CABIN1: variants seen among roughly 807,000 people sequenced by gnomAD.
The protein encoded by CABIN1 is calcineurin-binding protein cabin-1.
CABIN1 carries 133 observed loss-of-function variants against 227.7 expected under a neutral mutation model. That is an observed-to-expected ratio of 0.58 (90% CI 0.51 to 0.67). The LOEUF is 0.67. Ranked by LOEUF, CABIN1 falls within the 30% of genes least tolerant of loss-of-function variation. The probability of loss-of-function intolerance (pLI) is 0.00; values close to 1 mark genes in which losing one functional copy is unlikely to be tolerated. For missense variants in CABIN1, 2,408 were observed against 2,852.5 expected, an observed-to-expected ratio of 0.84 and a Z score of 3.55; for synonymous variants, 1,086 against 1,155.1, an observed-to-expected ratio of 0.94 and a Z score of 1.21.
chr22:24,171,364 C>T (rs2046801368), intron 33 of CABIN1, among the ~76,000 whole-genome samples: 1 of 152,210 alleles, frequency 6.6e-6, no homozygotes. Flanking sequence ...TGCACCCATG[C>T]CTAGGGTCCT....
chr22:24,064,771 G>A (rs914562055), intron 15 of CABIN1, among the ~76,000 whole-genome samples: 11 of 152,150 alleles, frequency 7.2e-5, no homozygotes, highest in Non-Finnish European at 1.0e-4. Context: ...ATCTTTCACC[G>A]CCCTTAATCC....
intron 24 of CABIN1, among the ~76,000 whole-genome samples, chr22:24,095,180 A>G (rs777838059): frequency 2.0e-5 from 3 of 152,222 alleles, no homozygotes; most frequent in African/African-American, 7.2e-5. Context: ...CCACTTAGCC[A>G]GGGCCTGCAA....
intron 35 of CABIN1, among the ~76,000 whole-genome samples, chr22:24,176,981 G>C (rs761782724): frequency 6.6e-6 from 1 of 152,246 alleles, no homozygotes; most frequent in Non-Finnish European, 1.5e-5. Flanking sequence ...CAGCTCCCTA[G>C]AGGCTGCCAG....
intron 28 of CABIN1, among the ~76,000 whole-genome samples, chr22:24,131,899 C>T (rs2044096297): frequency 1.3e-5 from 2 of 152,144 alleles, no homozygotes; most frequent in African/African-American, 2.4e-5. Context: ...AACCCCATCT[C>T]TACTAAAAAT....
At chr22:24,027,284 G>A (rs1338569232) in intron 1 of CABIN1, among the ~76,000 whole-genome samples, 9 of 152,086 alleles carry the variant, frequency 5.9e-5, no homozygotes, top group African/African-American at 2.2e-4. Context: ...GATTACTTGA[G>A]ATTTTCTATG....
At chr22:24,036,606 C>T (rs1449925276) in intron 3 of CABIN1, among the ~76,000 whole-genome samples, 1 of 152,160 alleles carries the variant, frequency 6.6e-6, no homozygotes, top group African/African-American at 2.4e-5. Flanking sequence ...CCAGGTCCAA[C>T]CTCAACTCCC....
At chr22:24,084,118 A>C (rs2040986194) in intron 20 of CABIN1, among the ~76,000 whole-genome samples, 1 of 152,006 alleles carries the variant, frequency 6.6e-6, no homozygotes, top group Non-Finnish European at 1.5e-5. Context: ...GATGGAACCC[A>C]CCCTCTGGCT....
In CABIN1 at chr22:24,056,211, T is replaced by C. The variant is rs2038784221; in HGVS notation, c.1113T>C (p.Asp371=). Residue 371 remains aspartate, a synonymous_variant, in exon 10 of 37, where the codon GAT becomes GAC. Coordinates refer to ENST00000263119, the MANE Select transcript of CABIN1 (RefSeq NM_012295.4). ...GTGAAGGTGATATTTCTGGGGGAGA[T>C]AAATCCAAGAAAGGGGTAAAACGGA... The part of the protein sequence containing the change: ...GAPVGDISGG[D]KSKKGVKRKK... 2 of 1,613,996 alleles carry C rather than the reference T, an allele frequency of 1.2e-6. No individual in the cohort carries two copies. Among genetic ancestry groups the C allele is most frequent in the Non-Finnish European group, 1.7e-6 (2 of 1,179,978 alleles).
At chr22:24,034,545 T>G (rs2036726915) in intron 1 of CABIN1, among the ~76,000 whole-genome samples, 1 of 152,352 alleles carries the variant, frequency 6.6e-6, no homozygotes, top group East Asian at 1.9e-4. Flanking sequence ...TTTTAGCTTT[T>G]AGAAATAATG....
At chr22:24,126,730 G>A (rs2043747708) in intron 28 of CABIN1, among the ~76,000 whole-genome samples, 1 of 152,170 alleles carries the variant, frequency 6.6e-6, no homozygotes, top group East Asian at 1.9e-4. Context: ...TGGGCATGGT[G>A]GCTCCCGCCT....
At chr22:24,029,534 G>A (rs930893429) in intron 1 of CABIN1, among the ~76,000 whole-genome samples, 2 of 152,036 alleles carry the variant, frequency 1.3e-5, no homozygotes, top group African/African-American at 2.4e-5. Context: ...TCCAGCCTGG[G>A]CAACAGAGTG....
At chr22:24,134,553 C>T (rs1440629602) in intron 29 of CABIN1, 138 bp downstream of exon 29, 6 of 713,842 alleles carry the variant, frequency 8.4e-6, no homozygotes, top group Admixed American at 6.1e-5. Context: ...CAGGGTGGTA[C>T]AGTCGAGAGT....
chr22:24,060,203 T>TGC, intron 12 of CABIN1, 62 bp downstream of exon 12: 1 of 1,467,122 alleles, frequency 6.8e-7, no homozygotes, highest in East Asian at 2.3e-5. Flanking sequence ...GACAGGGATC[T>TGC]TGCATGGGTG....
intron 28 of CABIN1, among the ~76,000 whole-genome samples, chr22:24,123,590 G>A (rs1306530190): frequency 6.6e-6 from 1 of 152,228 alleles, no homozygotes; most frequent in Non-Finnish European, 1.5e-5. Flanking sequence ...AGACCTTCCT[G>A]CTGCTCTGGG....
At chr22:24,158,009 C>T (rs2045936917) in intron 29 of CABIN1, among the ~76,000 whole-genome samples, 1 of 152,192 alleles carries the variant, frequency 6.6e-6, no homozygotes, top group African/African-American at 2.4e-5. Context: ...AATGGGATGC[C>T]AACAGGCTCC....
chr22:24,133,429 CA>C (rs1471248822), intron 28 of CABIN1, among the ~76,000 whole-genome samples: 1 of 152,180 alleles, frequency 6.6e-6, no homozygotes, highest in Non-Finnish European at 1.5e-5. Flanking sequence ...GCTTTCGGAG[CA>C]GCTGGAGTGC....
chr22:24,109,895 C>T (rs373413852), intron 26 of CABIN1, among the ~76,000 whole-genome samples: 6 of 152,280 alleles, frequency 3.9e-5, no homozygotes, highest in South Asian at 4.1e-4. Flanking sequence ...CTCAGCCGGG[C>T]GTGGTGGCTC....
intron 26 of CABIN1, among the ~76,000 whole-genome samples, chr22:24,108,567 G>T (rs1043732414): frequency 1.3e-5 from 2 of 152,190 alleles, no homozygotes; most frequent in Non-Finnish European, 2.9e-5. Context: ...ATTTCTCATT[G>T]TTCTGTCAGC....
intron 1 of CABIN1, among the ~76,000 whole-genome samples, chr22:24,013,094 A>G (rs190683446): frequency 1.3e-5 from 2 of 150,170 alleles, no homozygotes; most frequent in African/African-American, 2.5e-5. Flanking sequence ...AGCTCCTTTT[A>G]GTGAGTTTCT....
Sources: allele counts gnomAD v4.1 joint callset (sites outside exome capture counted in the v4.1 genomes callset), GRCh38; gene constraint gnomAD v4.1.1; transcripts MANE v1.5; gene names NCBI Gene and HGNC (gene_info 2026-07-23, HGNC 2026-07-21).